The following MYH7B variants were observed in gnomAD, a reference collection of about 807,000 sequenced individuals.
The protein encoded by MYH7B is myosin-7B.
Under a neutral mutation model 234.5 loss-of-function variants are expected in MYH7B, and 205 were observed. The ratio of observed to expected loss-of-function variants is 0.87; its 90% CI spans 0.78 to 0.98. MYH7B has a LOEUF of 0.98. MYH7B is among the 50% of genes least tolerant of loss of function. The pLI, the probability that MYH7B is intolerant of heterozygous loss-of-function variation, is 0.00. For missense variants in MYH7B, 2,652 were observed against 2,633.4 expected (o/e 1.01, Z -0.15); for synonymous variants, 1,193 against 1,105.0 (o/e 1.08, Z -1.58).
chr20:34,998,530 AGAG>A (rs1391541998), exon 34 of MYH7B: 9 of 1,613,524 alleles, frequency 5.6e-6, no homozygotes, highest in Admixed American at 1.7e-5. Context: ...GTCGCCTGCT[AGAG>A]GAGAAGGAGT....
intron 1 of MYH7B, among the ~76,000 whole-genome samples, chr20:34,957,047 C>G (rs1164599899): frequency 6.6e-6 from 1 of 152,212 alleles, no homozygotes; most frequent in Non-Finnish European, 1.5e-5. Flanking sequence ...GCGTGAGACC[C>G]TGTCCTAAAA....
At chr20:34,977,050 TA>T (rs1221686704) in intron 3 of MYH7B, among the ~76,000 whole-genome samples, 1 of 2,822 alleles carries the variant, frequency 3.5e-4, no homozygotes. Flanking sequence ...CCTCTCCCCC[TA>T]CCCCTCCCCC....
Position 34,980,026 on chromosome 20 carries a change from G to C in MYH7B, c.342+222G>C, listed in dbSNP as rs75549021. 0.014 allele frequency: 8,430 copies of C among 583,134 alleles called. 607 individuals are homozygous for C. In the African/African-American group the frequency reaches 0.15, roughly 10 times the overall value. 36.1% of individuals were successfully genotyped at this position (583,134 alleles called of 1,614,324 possible). ...CTGGAGGTTGGGCCTTGGGACCTTA[G>C]GGGAGCAGCTGTAGCAGTGCGGGGC... On this transcript the variant is annotated intron_variant, in intron 7 of 44. Coordinates refer to ENST00000262873, the Ensembl canonical transcript of MYH7B.
At chr20:34,988,398 ATGTG>A (rs1361336239) in intron 19 of MYH7B, 136 bp downstream of exon 19, 2 of 989,032 alleles carry the variant, frequency 2.0e-6, no homozygotes, top group Admixed American at 2.7e-5. Flanking sequence ...GTAAGCATGC[ATGTG>A]AGTGTAGTTG....
chr20:34,997,023 G>GT (rs2082272930), intron 30 of MYH7B, 60 bp from the exon 31 acceptor site: 1 of 1,518,670 alleles, frequency 6.6e-7, no homozygotes, highest in East Asian at 2.5e-5. Context: ...GCGTTATGGG[G>GT]TCCCAGGCGG....
At chr20:34,962,043 G>C (rs576203032) in intron 2 of MYH7B, among the ~76,000 whole-genome samples, 1 of 152,104 alleles carries the variant, frequency 6.6e-6, no homozygotes, top group South Asian at 2.1e-4. Context: ...GGCCAGCCTG[G>C]GCAACATAAG....
chr20:34,966,615 G>A (rs368569718), intron 2 of MYH7B, among the ~76,000 whole-genome samples: 6 of 152,074 alleles, frequency 3.9e-5, no homozygotes, highest in Non-Finnish European at 5.9e-5. Flanking sequence ...GCAGATGTGC[G>A]TGCACACACA....
intron 33 of MYH7B, 21 bp from the exon 34 acceptor site, chr20:34,998,490 C>A (rs541333256): frequency 1.2e-6 from 2 of 1,612,738 alleles, no homozygotes; most frequent in Admixed American, 1.7e-5. Context: ...CTGACCTGTC[C>A]GCTCGCCTCT....
At chr20:34,989,661 T>C in intron 19 of MYH7B, 79 bp from the exon 20 acceptor site, 1 of 1,400,492 alleles carries the variant, frequency 7.1e-7, no homozygotes. Context: ...AGAAGGGAGG[T>C]GGCCTGGGGA....
At chr20:34,986,014 C>T in intron 13 of MYH7B, 86 bp from the exon 14 acceptor site, 4 of 1,184,000 alleles carry the variant, frequency 3.4e-6, no homozygotes, top group Non-Finnish European at 3.7e-6. Context: ...CACTCCCTGC[C>T]CACCTCTCTC....
intron 14 of MYH7B, 33 bp downstream of exon 14, chr20:34,986,231 C>A: frequency 6.5e-7 from 1 of 1,535,818 alleles, no homozygotes; most frequent in Non-Finnish European, 8.9e-7. Flanking sequence ...GGGTGGGAGT[C>A]AGAACCTGGA....
rs1388276776 is a variant in MYH7B at position 34,999,876 on chromosome 20, C to T, written c.4751C>T (p.Ala1584Val). Residue 1584 changes from alanine to valine, a missense_variant, in exon 38 of 45, where the codon GCA becomes GTA. Coordinates refer to ENST00000262873, the Ensembl canonical transcript of MYH7B. Reference sequence around the variant, plus strand: ...AAAGCAGAAGTGGACCGGAAGCTGGCAGAGAAAGACGAGGAGTGCGCTAAC... The same window carrying T: ...AAAGCAGAAGTGGACCGGAAGCTGGTAGAGAAAGACGAGGAGTGCGCTAAC... 25 of 1,613,684 alleles carry T rather than the reference C, an allele frequency of 1.5e-5. No homozygotes were observed. Among genetic ancestry groups the T allele is most frequent in the Non-Finnish European group, 2.0e-5 (24 of 1,179,974 alleles).
intron 2 of MYH7B, among the ~76,000 whole-genome samples, chr20:34,971,431 C>G (rs951164479): frequency 4.6e-5 from 7 of 151,582 alleles, no homozygotes; most frequent in Admixed American, 3.3e-4. Flanking sequence ...TAAATCCATG[C>G]TGAGGCATCT....
exon 6 of MYH7B, chr20:34,979,427 C>G (rs1569034431): frequency 6.2e-7 from 1 of 1,613,968 alleles, no homozygotes; most frequent in Admixed American, 1.7e-5. Context: ...AACAGGACGC[C>G]TACGTGGAGG....
intron 2 of MYH7B, among the ~76,000 whole-genome samples, chr20:34,959,839 C>T (rs771568967): frequency 5.9e-5 from 9 of 152,144 alleles, no homozygotes; most frequent in Non-Finnish European, 1.0e-4. Context: ...TTGATCTGGT[C>T]GCTAAGTGTC....
chr20:34,993,467 G>GC lies in MYH7B; in HGVS notation c.2442dup (p.Arg815GlnfsTer39). Reference sequence around the variant, plus strand: ...CTTGAGTACCAGCGCCTGCTGGGAGGCAGGTGGGTGTGGGAAGGAGGCTGG... The same window carrying GC: ...CTTGAGTACCAGCGCCTGCTGGGAGGCCAGGTGGGTGTGGGAAGGAGGCTGG... On this transcript the variant is annotated frameshift_variant, in exon 26 of 45. Transcript: ENST00000262873. LOFTEE classifies it high-confidence loss of function. 1.3e-6 allele frequency: 2 copies of GC among 1,595,340 alleles called. No individual in the cohort carries two copies. The highest frequency in any genetic ancestry group is 4.5e-5 in the East Asian group (2 of 44,226).
chr20:34,989,830 G>A (rs952357312), exon 20 of MYH7B: 13 of 1,614,020 alleles, frequency 8.1e-6, no homozygotes, highest in East Asian at 4.5e-5. Context: ...CGACAACCAC[G>A]CGGGGAAGTC....
At chr20:34,988,806 C>CTT (rs36001113) in intron 19 of MYH7B, among the ~76,000 whole-genome samples, 16 of 113,196 alleles carry the variant, frequency 1.4e-4, no homozygotes, top group South Asian at 5.5e-4. Context: ...TCCTTTATCC[C>CTT]TTTTTTTTTT....
intron 3 of MYH7B, among the ~76,000 whole-genome samples, chr20:34,977,120 T>C (rs111803640): frequency 2.0e-5 from 3 of 149,912 alleles, no homozygotes; most frequent in Admixed American, 6.7e-5. Context: ...TCTCTCTCCT[T>C]CTCTTTTTGA....
Sources: allele counts gnomAD v4.1 joint callset (sites outside exome capture counted in the v4.1 genomes callset), GRCh38; gene constraint gnomAD v4.1.1; transcripts MANE v1.5; gene names NCBI Gene and HGNC (gene_info 2026-07-23, HGNC 2026-07-21).